The following TFPI variants were observed in gnomAD, a reference collection of about 807,000 sequenced individuals.
The protein encoded by TFPI is tissue factor pathway inhibitor, also known as anti-convertin.
Under a neutral mutation model 34.6 loss-of-function variants are expected in TFPI, and 15 were observed. The observed-to-expected ratio is 0.43, with a 90% CI of 0.29 to 0.67. The LOEUF (loss-of-function observed/expected upper bound fraction) is 0.67, where lower values mean the gene tolerates loss of function less well. TFPI is among the 30% of genes least tolerant of loss of function. The pLI, the probability that TFPI is intolerant of heterozygous loss-of-function variation, is 0.15. For synonymous variants in TFPI, 105 were observed against 120.1 expected (o/e 0.87, Z 0.82); for missense variants, 301 against 364.0 (o/e 0.83, Z 1.41).
chr2:187,526,651 T>A (rs905310870), intron 1 of TFPI, among the ~76,000 whole-genome samples: 1 of 152,112 alleles, frequency 6.6e-6, no homozygotes, highest in African/African-American at 2.4e-5. Flanking sequence ...TAGAAAAAAA[T>A]TTATGGTGCT....
At chr2:187,487,430 A>G (rs879312140) in intron 4 of TFPI, among the ~76,000 whole-genome samples, 4 of 151,372 alleles carry the variant, frequency 2.6e-5, no homozygotes, top group Non-Finnish European at 5.9e-5. Context: ...CCTAAAGATT[A>G]TCAATGTGTC....
rs554607987 is a variant in TFPI, at chr2:187,553,716, T to G, written c.-3+484A>C. Among the ~76,000 whole-genome samples the G allele has an allele frequency of 4.7e-4, 72 of 152,254 alleles. 1 individual carries two copies. The highest frequency in any genetic ancestry group is 6.8e-3 in the Middle Eastern group (2 of 294). ...TTAATGCTGGCATAAAATATTCCAT[T>G]TAGATTACGATTATTTTAATGGTTA... On this transcript the variant is annotated intron_variant, in intron 1 of 7. Transcript: ENST00000233156.
chr2:187,471,905 T>G (rs1008447335), intron 6 of TFPI, among the ~76,000 whole-genome samples: 1 of 152,102 alleles, frequency 6.6e-6, no homozygotes, highest in Non-Finnish European at 1.5e-5. Context: ...ATCTTACAAC[T>G]TGTTAAGTAC....
chr2:187,476,914 T>C (rs939445313), intron 6 of TFPI, among the ~76,000 whole-genome samples: 3 of 152,248 alleles, frequency 2.0e-5, no homozygotes, highest in Non-Finnish European at 4.4e-5. Flanking sequence ...TTTTGGTTTA[T>C]AGTTGTATAA....
chr2:187,505,952 C>T (rs1290464422), intron 1 of TFPI, among the ~76,000 whole-genome samples: 1 of 151,496 alleles, frequency 6.6e-6, no homozygotes, highest in Non-Finnish European at 1.5e-5. Context: ...TGACTATATA[C>T]CACAGCAAGC....
chr2:187,478,950 G>A, intron 6 of TFPI: 1 of 596,500 alleles, frequency 1.7e-6, no homozygotes, highest in South Asian at 2.3e-5. Flanking sequence ...AGACAGTGAG[G>A]CAGAGCAAAC....
intron 1 of TFPI, among the ~76,000 whole-genome samples, chr2:187,536,323 C>G (rs1214564694): frequency 6.6e-6 from 1 of 152,082 alleles, no homozygotes; most frequent in Admixed American, 6.6e-5. Flanking sequence ...AATATCGATG[C>G]AAAAATCCTC....
In TFPI at chr2:187,488,584, G is replaced by A. The variant is rs923007081; in HGVS notation, c.320-209C>T. ...ACCATGAAGCCACTTCATTTCAATA[G>A]AGTAATGTTTTAGAAACTATGATAA... On this transcript the variant is annotated intron_variant, in intron 3 of 7. Transcript: ENST00000233156. Among the ~76,000 whole-genome samples the A allele has an allele frequency of 2.6e-5, 4 of 151,012 alleles. No homozygotes were observed. The East Asian group carries it at 5.8e-4, about 22-fold the overall frequency.
intron 3 of TFPI, among the ~76,000 whole-genome samples, chr2:187,496,482 A>T (rs8176453): frequency 2.0e-5 from 3 of 152,120 alleles, no homozygotes; most frequent in Non-Finnish European, 4.4e-5. Flanking sequence ...TTTGAACATG[A>T]GTTGAGGTTT....
At chr2:187,521,276 AT>A (rs2106210282) in intron 1 of TFPI, among the ~76,000 whole-genome samples, 1 of 152,244 alleles carries the variant, frequency 6.6e-6, no homozygotes, top group East Asian at 1.9e-4. Context: ...AGAATCTCCT[AT>A]TTTAAGGCAG....
chr2:187,483,591 A>C (rs1008639013), intron 6 of TFPI, among the ~76,000 whole-genome samples: 3 of 151,994 alleles, frequency 2.0e-5, no homozygotes, highest in Non-Finnish European at 4.4e-5. Context: ...TAAATCTGAT[A>C]AATAGGTTAA....
At position 187,486,999 on chromosome 2, in the gene TFPI, G is replaced by C. The variant is rs373552696; in HGVS notation, c.358+1338C>G. On this transcript the variant is annotated intron_variant, in intron 4 of 7. Coordinates refer to ENST00000233156, the MANE Select transcript of TFPI (RefSeq NM_006287.6). ...ACATGTAAGCATTTTTAACATTCATGTGAACACAGCTTTATTCTCTAACTT... is the reference window on the plus strand; with the variant it reads ...ACATGTAAGCATTTTTAACATTCATCTGAACACAGCTTTATTCTCTAACTT... Among the ~76,000 whole-genome samples the C allele has an allele frequency of 5.3e-5, 8 of 151,734 alleles. 1 individual carries two copies. Among genetic ancestry groups the C allele is most frequent in the Admixed American group, 2.6e-4 (4 of 15,206 alleles).
At chr2:187,502,356 GA>G (rs1311305621) in intron 2 of TFPI, among the ~76,000 whole-genome samples, 1 of 152,058 alleles carries the variant, frequency 6.6e-6, no homozygotes, top group East Asian at 1.9e-4. Context: ...GGAACACTTG[GA>G]TCTATTTGCT....
At chr2:187,470,345 A>G (rs780875632) in intron 6 of TFPI, among the ~76,000 whole-genome samples, 20 of 152,154 alleles carry the variant, frequency 1.3e-4, no homozygotes, top group Non-Finnish European at 2.6e-4. Flanking sequence ...ACAGGGAGCA[A>G]ACTTCTTCTC....
chr2:187,538,242 C>A (rs1688373839), intron 1 of TFPI, among the ~76,000 whole-genome samples: 1 of 152,144 alleles, frequency 6.6e-6, no homozygotes, highest in Admixed American at 6.5e-5. Flanking sequence ...TGGGTATACA[C>A]CCAAAGGATT....
At chr2:187,501,667 CACAA>C (rs1685860736) in intron 2 of TFPI, among the ~76,000 whole-genome samples, 1 of 152,088 alleles carries the variant, frequency 6.6e-6, no homozygotes, top group African/African-American at 2.4e-5. Flanking sequence ...TATTCAGTCT[CACAA>C]AGGTACTAGG....
intron 6 of TFPI, among the ~76,000 whole-genome samples, chr2:187,482,212 G>C (rs1363696921): frequency 6.6e-6 from 1 of 151,986 alleles, no homozygotes; most frequent in African/African-American, 2.4e-5. Context: ...AAGTATTCAA[G>C]CATGTTGCAA....
chr2:187,516,313 C>T (rs1687000737), intron 1 of TFPI: 1 of 152,166 alleles, frequency 6.6e-6, no homozygotes, highest in South Asian at 2.1e-4. Context: ...CACATGTGCC[C>T]TTGCAAGTGT....
intron 7 of TFPI, 67 bp from the exon 8 acceptor site, chr2:187,467,109 C>T (rs551900482): frequency 1.5e-4 from 162 of 1,053,732 alleles, no homozygotes; most frequent in Non-Finnish European, 2.1e-4. Flanking sequence ...TATCTAAAAT[C>T]TTCTCAAAGT....
Sources: allele counts gnomAD v4.1 joint callset (sites outside exome capture counted in the v4.1 genomes callset), GRCh38; gene constraint gnomAD v4.1.1; transcripts MANE v1.5; gene names NCBI Gene and HGNC (gene_info 2026-07-23, HGNC 2026-07-21).